Variants in CENPP observed in about 807,000 individuals in gnomAD.
The protein encoded by CENPP is centromere protein P.
A neutral mutation model predicts 35.6 loss-of-function variants in CENPP; 24 were observed. The observed-to-expected ratio is 0.67, with a 90% CI of 0.49 to 0.95. CENPP has a LOEUF of 0.95. Ranked by LOEUF, CENPP falls within the 40% of genes least tolerant of loss-of-function variation. The pLI is 0.00. For missense variants in CENPP, 332 were observed against 345.3 expected (o/e 0.96, Z 0.31); for synonymous variants, 120 against 125.5 (o/e 0.96, Z 0.29).
intron 5 of CENPP, chr9:92,401,045 A>T (rs766005098): frequency 2.3e-6 from 2 of 869,696 alleles, no homozygotes; most frequent in South Asian, 2.8e-5. Context: ...AGTCCATTAT[A>T]GCTATTTTTA....
chr9:92,398,173 C>T (rs1263589091), intron 5 of CENPP, among the ~76,000 whole-genome samples: 2 of 152,124 alleles, frequency 1.3e-5, no homozygotes, highest in Non-Finnish European at 2.9e-5. Context: ...TGTCCTTAGC[C>T]TGAAGGTATA....
chr9:92,458,087 T>C (rs1844952253), intron 5 of CENPP, among the ~76,000 whole-genome samples: 1 of 152,242 alleles, frequency 6.6e-6, no homozygotes, highest in Admixed American at 6.5e-5. Flanking sequence ...AATTGTAATA[T>C]AGCATCAATA....
intron 5 of CENPP, chr9:92,501,095 T>C (rs1846645460): frequency 3.2e-6 from 5 of 1,580,562 alleles, no homozygotes; most frequent in Non-Finnish European, 4.3e-6. Context: ...GACATCAGGA[T>C]GGTGATCATC....
At chr9:92,473,442 A>T (rs1302602098) in intron 5 of CENPP, among the ~76,000 whole-genome samples, 1 of 152,184 alleles carries the variant, frequency 6.6e-6, no homozygotes, top group African/African-American at 2.4e-5. Context: ...TTGCAAACTG[A>T]TGGTAGGTAA....
chr9:92,436,158 A>G (rs1379735345), intron 5 of CENPP, among the ~76,000 whole-genome samples: 1 of 152,198 alleles, frequency 6.6e-6, no homozygotes. Context: ...CCAAATAGCT[A>G]ATGATGTTCA....
chr9:92,545,119 C>T (rs1849403928), intron 5 of CENPP, among the ~76,000 whole-genome samples: 1 of 152,230 alleles, frequency 6.6e-6, no homozygotes, highest in Non-Finnish European at 1.5e-5. Context: ...CTTGGCACCT[C>T]CTCAGCCTCA....
chr9:92,510,132 C>T (rs1014206988), intron 5 of CENPP: 2 of 1,363,414 alleles, frequency 1.5e-6, no homozygotes, highest in East Asian at 2.4e-5. Flanking sequence ...CAAACCTATC[C>T]TTCCTTAGGC....
At chr9:92,610,797 C>G (rs1385239683) in intron 5 of CENPP, 1 of 167,188 alleles carries the variant, frequency 6.0e-6, no homozygotes, top group Non-Finnish European at 1.3e-5. Flanking sequence ...CTGGACACCA[C>G]TGGGGTGAGT....
At position 92,345,695 on chromosome 9, in the gene CENPP, T is replaced by C; in HGVS notation, c.379-4T>C. On this transcript the variant is annotated splice_polypyrimidine_tract_variant and splice_region_variant and intron_variant, in intron 3 of 7. Transcript: ENST00000375587. ...TGATACAGAAATTTTTATCTTTATT[T>C]TAGAATAAGGAGAGATTATCTTCTG... 6.6e-7 allele frequency: 1 copy of C among 1,513,788 alleles called. No homozygotes were observed. Among genetic ancestry groups the C allele is most frequent in the African/African-American group, 1.4e-5 (1 of 72,522 alleles). 93.8% of individuals were successfully genotyped at this position (1,513,788 alleles called of 1,614,324 possible). A position where few individuals can be genotyped will look rare whatever the true frequency, so the allele number is the denominator to read the frequency against.
chr9:92,561,701 A>T (rs1480110872), intron 5 of CENPP, among the ~76,000 whole-genome samples: 2 of 152,224 alleles, frequency 1.3e-5, no homozygotes, highest in African/African-American at 4.8e-5. Context: ...GTAACCTAAG[A>T]GTAGACATTT....
intron 4 of CENPP, among the ~76,000 whole-genome samples, chr9:92,373,700 C>A (rs1842060854): frequency 6.6e-6 from 1 of 152,038 alleles, no homozygotes; most frequent in Non-Finnish European, 1.5e-5. Flanking sequence ...GTGGTGCGTG[C>A]CTGTACTCCC....
At chr9:92,596,086 C>T (rs1230850228) in intron 5 of CENPP, among the ~76,000 whole-genome samples, 2 of 152,028 alleles carry the variant, frequency 1.3e-5, no homozygotes, top group Non-Finnish European at 2.9e-5. Flanking sequence ...ATTTATCAGG[C>T]ACCCTGCCAA....
chr9:92,617,396 C>T lies in CENPP; in HGVS notation c.*4247C>T, dbSNP rs1380509967. On this transcript the variant is annotated 3_prime_UTR_variant, in exon 8 of 8. Transcript: ENST00000375587. ...GACAGGAAGGATGTTCCAGGCAGCT[C>T]CCGGGGAGGGTCTGACTACCTGGGT... is the stretch of plus-strand genomic sequence containing the variant. The T allele has an allele frequency of 6.6e-6, 1 of 152,320 alleles. No individual in the cohort carries two copies. Among genetic ancestry groups the T allele is most frequent in the Admixed American group, 6.5e-5 (1 of 15,288 alleles). The allele number at this position is 152,320 out of a possible 1,614,324, so 9.4% of individuals were successfully genotyped here.
intron 5 of CENPP, among the ~76,000 whole-genome samples, chr9:92,475,783 ACTGT>A (rs1278813462): frequency 6.6e-6 from 1 of 152,088 alleles, no homozygotes; most frequent in Non-Finnish European, 1.5e-5. Flanking sequence ...TTTGATCCAA[ACTGT>A]CTGATGTCCA....
chr9:92,570,803 T>G (rs952714327), intron 5 of CENPP, among the ~76,000 whole-genome samples: 1 of 152,226 alleles, frequency 6.6e-6, no homozygotes, highest in African/African-American at 2.4e-5. Context: ...TGGTTTAGTC[T>G]TGGGAGGGTG....
chr9:92,332,464 T>C lies in CENPP; in HGVS notation c.289+113T>C, dbSNP rs889839891. On this transcript the variant is annotated intron_variant, in intron 2 of 7. Coordinates refer to ENST00000375587, the MANE Select transcript of CENPP (RefSeq NM_001012267.3). Reference sequence around the variant, plus strand: ...TCTACAAGGTAAGTATTTGAAAGTATGGTTGTGGTAAACTTGTTTACTCAC... The same window carrying C: ...TCTACAAGGTAAGTATTTGAAAGTACGGTTGTGGTAAACTTGTTTACTCAC... 5.2e-6 allele frequency: 4 copies of C among 768,564 alleles called. No homozygotes were observed. In the African/African-American group the frequency reaches 7.3e-5, roughly 14 times the overall value. The allele number at this position is 768,564 out of a possible 1,614,324, so 47.6% of individuals were successfully genotyped here. A position where few individuals can be genotyped will look rare whatever the true frequency, so the allele number is the denominator to read the frequency against.
chr9:92,533,656 A>AT (rs1035675339), intron 5 of CENPP, among the ~76,000 whole-genome samples: 1 of 151,904 alleles, frequency 6.6e-6, no homozygotes, highest in Non-Finnish European at 1.5e-5. Context: ...GCTCCCTCAG[A>AT]TTCCTTTTAT....
chr9:92,567,543 A>G (rs933171925), intron 5 of CENPP, among the ~76,000 whole-genome samples: 1 of 151,776 alleles, frequency 6.6e-6, no homozygotes, highest in Non-Finnish European at 1.5e-5. Flanking sequence ...ACAGTAGTAT[A>G]GAACACTAGA....
intron 3 of CENPP, among the ~76,000 whole-genome samples, chr9:92,345,262 A>G (rs1386789964): frequency 6.6e-6 from 1 of 151,588 alleles, no homozygotes; most frequent in Non-Finnish European, 1.5e-5. Flanking sequence ...AAACAAAAAC[A>G]AAAACAAAAC....
Sources: gnomAD v4.1 joint callset for allele counts (sites outside exome capture counted in the v4.1 genomes callset) on GRCh38, gnomAD v4.1.1 for gene constraint, MANE v1.5 for transcripts, NCBI Gene and HGNC (gene_info 2026-07-23, HGNC 2026-07-21) for gene names.